The following FBXO8 variants were observed in gnomAD, a reference collection of about 807,000 sequenced individuals.
FBXO8 encodes F-box protein 8, also known as F-box only protein 8.
In FBXO8, 15 loss-of-function variants were observed where a neutral mutation model predicts 33.4. The ratio of observed to expected loss-of-function variants is 0.45; its 90% confidence interval spans 0.30 to 0.69. The LOEUF is 0.69. FBXO8 is among the 30% of genes least tolerant of loss of function. FBXO8 has a pLI of 0.08. For synonymous variants in FBXO8, 132 were observed against 131.5 expected (o/e 1.00, Z -0.02); for missense variants, 274 against 380.3 (o/e 0.72, Z 2.32).
Position 174,259,768 on chromosome 4 carries a change from T to C in FBXO8, c.387A>G (p.Gly129=). The C allele has an allele frequency of 6.2e-7, 1 of 1,612,016 alleles. No homozygotes were observed. Among genetic ancestry groups the C allele is most frequent in the Non-Finnish European group, 8.5e-7 (1 of 1,178,950 alleles). ...GCATATACAATTTTCTAAAAGAAAA[T>C]CCTAAAGGTGGGTTCTTATTGTATA... ...CSIYNKNPPL[G]FSFRKLYMQL... Residue 129 remains glycine (G), a synonymous_variant, in exon 3 of 6, where the codon GGA becomes GGG. Coordinates refer to ENST00000393674, the MANE Select transcript of FBXO8 (RefSeq NM_012180.3). This position sits in a 1 kb window ranked among gnomAD's most constrained non-coding sequence, Gnocchi z 4.3.
rs1736131737 is a variant in FBXO8, at chr4:174,245,151, T to C, written c.457-3933A>G. On this transcript the variant is annotated intron_variant, in intron 3 of 5. Transcript: ENST00000393674. The surrounding 1 kb of genome is among the most constrained non-coding windows in gnomAD (Gnocchi z 4.6). ...AACACAGAGTTTTGCCCTAAGAAAA[T>C]TTAAAGTTTATCTGTGGCAATGAGA... Among the ~76,000 whole-genome samples the C allele has an allele frequency of 6.6e-6, 1 of 151,760 alleles. No individual in the cohort carries two copies. Among genetic ancestry groups the C allele is most frequent in the African/African-American group, 2.4e-5 (1 of 41,384 alleles).
chr4:174,248,614 T>A (rs1450405157), intron 3 of FBXO8, among the ~76,000 whole-genome samples: 1 of 152,098 alleles, frequency 6.6e-6, no homozygotes, highest in Non-Finnish European at 1.5e-5. Flanking sequence ...AGTGCCAGTA[T>A]CCTGTAGCCA....
chr4:174,276,792 T>C (rs530919022), intron 1 of FBXO8, among the ~76,000 whole-genome samples: 73 of 152,354 alleles, frequency 4.8e-4, no homozygotes, highest in Middle Eastern at 3.4e-3. Context: ...ACACTACTAC[T>C]GTGGAGGATG....
Position 174,241,077 on chromosome 4 carries a change from G to A in FBXO8, c.575+23C>T. On this transcript the variant is annotated intron_variant, in intron 4 of 5. Coordinates refer to ENST00000393674, the MANE Select transcript of FBXO8 (RefSeq NM_012180.3). The surrounding 1 kb of genome is among the most constrained non-coding windows in gnomAD (Gnocchi z 4.2). ...AAACATTACTTAACTCATTTTGGAT[G>A]AAAAGTTAATTTTCGTTTTTACCTT... 7.2e-7 allele frequency: 1 copy of A among 1,396,220 alleles called. No homozygotes were observed. Among genetic ancestry groups the A allele is most frequent in the South Asian group, 1.2e-5 (1 of 84,162 alleles). 86.5% of individuals were successfully genotyped at this position (1,396,220 alleles called of 1,614,324 possible).
chr4:174,262,665 G>A lies in FBXO8; in HGVS notation c.329+99C>T, dbSNP rs1736594658. The A allele has an allele frequency of 1.9e-6, 2 of 1,070,874 alleles. No homozygotes were observed. Among genetic ancestry groups the A allele is most frequent in the African/African-American group, 3.2e-5 (2 of 62,374 alleles). The allele number at this position is 1,070,874 out of a possible 1,614,324, so 66.3% of individuals were successfully genotyped here. A position where few individuals can be genotyped will look rare whatever the true frequency, so the allele number is the denominator to read the frequency against. On this transcript the variant is annotated intron_variant, in intron 2 of 5. Coordinates refer to ENST00000393674, the MANE Select transcript of FBXO8 (RefSeq NM_012180.3). The surrounding 1 kb of genome is among the most constrained non-coding windows in gnomAD (Gnocchi z 4.6). ...AGAGCATCTCAAAGTACAAGCCCAA[G>A]TTTAAAGAAAATATTTTGTAATATA...
At position 174,237,087 on chromosome 4, in the gene FBXO8, T is replaced by C. The variant is rs762162622; in HGVS notation, c.*325A>G. The C allele has an allele frequency of 4.9e-6, 1 of 203,472 alleles. No individual in the cohort carries two copies. Among genetic ancestry groups the C allele is most frequent in the Non-Finnish European group, 1.0e-5 (1 of 100,056 alleles). 12.6% of individuals were successfully genotyped at this position (203,472 alleles called of 1,614,324 possible). A position where few individuals can be genotyped will look rare whatever the true frequency, so the allele number is the denominator to read the frequency against. On this transcript the variant is annotated 3_prime_UTR_variant, in exon 6 of 6. Coordinates refer to ENST00000393674, the MANE Select transcript of FBXO8 (RefSeq NM_012180.3). This position sits in a 1 kb window ranked among gnomAD's most constrained non-coding sequence, Gnocchi z 4.4. ...TATTTGTATAAAGAATGGAAATGGA[T>C]AAAGTTTTTCAGGCAAATCTAATGC... is the stretch of plus-strand genomic sequence containing the variant.
chr4:174,256,253 T>TA lies in FBXO8; in HGVS notation c.456+3445dup. ...TAGACTTTTTACAATACTAAGCAAT[T>TA]ATATACATCTTATCTCAGGTACTTG... On this transcript the variant is annotated intron_variant, in intron 3 of 5. Coordinates refer to ENST00000393674, the MANE Select transcript of FBXO8 (RefSeq NM_012180.3). This position sits in a 1 kb window ranked among gnomAD's most constrained non-coding sequence, Gnocchi z 4.6. The TA allele has an allele frequency of 2.5e-6, 1 of 403,798 alleles. No individual in the cohort carries two copies. The allele number at this position is 403,798 out of a possible 1,614,324, so 25.0% of individuals were successfully genotyped here.
intron 3 of FBXO8, among the ~76,000 whole-genome samples, chr4:174,250,331 A>G (rs1004892826): frequency 2.0e-5 from 3 of 152,166 alleles, no homozygotes; most frequent in Non-Finnish European, 4.4e-5. Flanking sequence ...CAAGGATTAT[A>G]TAATTCAACC....
In FBXO8 at chr4:174,266,156, T is replaced by C. The variant is rs185613488; in HGVS notation, c.-8-3056A>G. On this transcript the variant is annotated intron_variant, in intron 1 of 5. Coordinates refer to ENST00000393674, the MANE Select transcript of FBXO8 (RefSeq NM_012180.3). ...GATTTCCCTAGGCTCCGGACTTTAA[T>C]GGGGATCACTTAAATTGAACACACT... 3.3e-5 allele frequency among the ~76,000 whole-genome samples: 5 copies of C among 152,260 alleles called. No individual in the cohort carries two copies. In the East Asian group the frequency reaches 9.7e-4, roughly 29 times the overall value.
In FBXO8 at chr4:174,263,219, C is replaced by T. The variant is rs571883138; in HGVS notation, c.-8-119G>A. On this transcript the variant is annotated intron_variant, in intron 1 of 5. Transcript: ENST00000393674. The surrounding 1 kb of genome is among the most constrained non-coding windows in gnomAD (Gnocchi z 4.2). ...TCAGAATTAAAACTTCTCATTAAAA[C>T]CTACTAAAACCAGAAGTATATTACT... 2.2e-4 allele frequency: 187 copies of T among 868,068 alleles called. 1 individual carries two copies. The African/African-American group carries it at 2.9e-3, about 13-fold the overall frequency. 53.8% of individuals were successfully genotyped at this position (868,068 alleles called of 1,614,324 possible). A position where few individuals can be genotyped will look rare whatever the true frequency, so the allele number is the denominator to read the frequency against.
rs1473258540 is a variant in FBXO8 at position 174,274,401 on chromosome 4, C to T, written c.-9+9009G>A. On this transcript the variant is annotated intron_variant, in intron 1 of 5. Transcript: ENST00000393674. The surrounding 1 kb of genome is among the most constrained non-coding windows in gnomAD (Gnocchi z 4.0). ...GTAGTTTCGTACTCATCCCTCTCGC[C>T]CTCTTTAAATGATAACTATTATTTT... Among the ~76,000 whole-genome samples, 5 of 152,170 alleles carry T rather than the reference C, an allele frequency of 3.3e-5. No individual in the cohort carries two copies. The highest frequency in any genetic ancestry group is 7.3e-5 in the Non-Finnish European group (5 of 68,030).
At position 174,252,655 on chromosome 4, in the gene FBXO8, A is replaced by ACT. The variant is rs762785769; in HGVS notation, c.456+7043_456+7044insAG. Among the ~76,000 whole-genome samples, 2 of 126,890 alleles carry ACT rather than the reference A, an allele frequency of 1.6e-5. No individual in the cohort carries two copies. The highest frequency in any genetic ancestry group is 3.8e-5 in the Non-Finnish European group (2 of 52,036). The allele number at this position is 126,890 out of a possible 152,430, so 83.2% of individuals were successfully genotyped here. A position where few individuals can be genotyped will look rare whatever the true frequency, so the allele number is the denominator to read the frequency against. ...TGTACTTGTGCATGTGAGTGCATGC[A>ACT]CACACACACACACACACACACGCAC... On this transcript the variant is annotated intron_variant, in intron 3 of 5. Coordinates refer to ENST00000393674, the MANE Select transcript of FBXO8 (RefSeq NM_012180.3). The surrounding 1 kb of genome is among the most constrained non-coding windows in gnomAD (Gnocchi z 5.1).
intron 5 of FBXO8, 148 bp downstream of exon 5, chr4:174,238,846 A>C (rs1472638481): frequency 2.0e-6 from 1 of 492,006 alleles, no homozygotes. Flanking sequence ...TAAATGATGA[A>C]GTAGTCAGTC....
Position 174,255,185 on chromosome 4 carries a change from T to C in FBXO8, c.456+4514A>G, listed in dbSNP as rs929421378. On this transcript the variant is annotated intron_variant, in intron 3 of 5. Coordinates refer to ENST00000393674, the MANE Select transcript of FBXO8 (RefSeq NM_012180.3). This position sits in a 1 kb window ranked among gnomAD's most constrained non-coding sequence, Gnocchi z 4.3. Reference sequence around the variant, plus strand: ...TTGGGAAATGTTTATTGGTACATTCTAATAATGCCCATGAGGGTTTTCATT... The same window carrying C: ...TTGGGAAATGTTTATTGGTACATTCCAATAATGCCCATGAGGGTTTTCATT... Among the ~76,000 whole-genome samples, 26 of 152,194 alleles carry C rather than the reference T, an allele frequency of 1.7e-4. No individual in the cohort carries two copies. The highest frequency in any genetic ancestry group is 6.3e-4 in the African/African-American group (26 of 41,466).
chr4:174,262,878 T>G lies in FBXO8; in HGVS notation c.215A>C (p.Glu72Ala). 6.2e-7 allele frequency: 1 copy of G among 1,614,056 alleles called. No homozygotes were observed. Among genetic ancestry groups the G allele is most frequent in the Non-Finnish European group, 8.5e-7 (1 of 1,179,936 alleles). The change falls in exon 2 of 6, where the codon GAA (glutamate) becomes GCA (alanine). Residue 72 changes from glutamate to alanine, a missense_variant. Coordinates refer to ENST00000393674, the MANE Select transcript of FBXO8 (RefSeq NM_012180.3). The surrounding 1 kb of genome is among the most constrained non-coding windows in gnomAD (Gnocchi z 4.6). ...AAAGCTTAGCTCAGGAGGCAACATT[T>G]CCAAATTAATGAATCCTTCCTGTTC... ...SKEQEGFINL[E>A]MLPPELSFTI...
At chr4:174,240,569 C>T (rs930597759) in intron 4 of FBXO8, among the ~76,000 whole-genome samples, 11 of 133,096 alleles carry the variant, frequency 8.3e-5, no homozygotes, top group Non-Finnish European at 1.6e-4. Flanking sequence ...CAAATCAGAA[C>T]AGCATACTAA....
At chr4:174,273,024 G>A (rs530037029) in intron 1 of FBXO8, among the ~76,000 whole-genome samples, 1 of 152,302 alleles carries the variant, frequency 6.6e-6, no homozygotes, top group East Asian at 1.9e-4. Flanking sequence ...TGCCAGGCTG[G>A]GAATGGTGGC....
chr4:174,265,216 TAGCTGAATCATTTACC>T lies in FBXO8; in HGVS notation c.-8-2132_-8-2117del, dbSNP rs1172048047. ...AAACATACTTTGTATGATTCAGCATTAGCTGAATCATTTACCTAAATAAAAGCTTTTTATTTAGGTA... is the reference window on the plus strand; with the variant it reads ...AAACATACTTTGTATGATTCAGCATTTAAATAAAAGCTTTTTATTTAGGTA... On this transcript the variant is annotated intron_variant, in intron 1 of 5. Coordinates refer to ENST00000393674, the MANE Select transcript of FBXO8 (RefSeq NM_012180.3). The surrounding 1 kb of genome is among the most constrained non-coding windows in gnomAD (Gnocchi z 4.7). Among the ~76,000 whole-genome samples the T allele has an allele frequency of 1.3e-5, 2 of 152,042 alleles. No individual in the cohort carries two copies. Among genetic ancestry groups the T allele is most frequent in the African/African-American group, 4.8e-5 (2 of 41,414 alleles).
chr4:174,269,775 T>A (rs557741297), intron 1 of FBXO8, among the ~76,000 whole-genome samples: 14 of 152,018 alleles, frequency 9.2e-5, no homozygotes, highest in Non-Finnish European at 1.8e-4. Context: ...CAGAGAATGA[T>A]TAGCACAAAA....
Sources: gnomAD v4.1 joint callset for allele counts (sites outside exome capture counted in the v4.1 genomes callset) on GRCh38, gnomAD v4.1.1 for gene constraint, Gnocchi (gnomAD v3.1) non-coding constraint, MANE v1.5 for transcripts, NCBI Gene and HGNC (gene_info 2026-07-23, HGNC 2026-07-21) for gene names.